The following ZHX3 variants were observed in gnomAD, a reference collection of about 807,000 sequenced individuals.
ZHX3 encodes zinc fingers and homeoboxes protein 3.
Under a neutral mutation model 64.5 loss-of-function variants are expected in ZHX3, and 20 were observed. The ratio of observed to expected loss-of-function variants is 0.31; its 90% confidence interval spans 0.22 to 0.45. The LOEUF is 0.45. Among genes scored for constraint, ZHX3 ranks in the 20% least tolerant of loss-of-function variants. ZHX3 has a pLI of 1.00. For synonymous variants in ZHX3, 423 were observed against 461.6 expected (o/e 0.92, Z 1.07); for missense variants, 1,041 against 1,195.8 (o/e 0.87, Z 1.91).
rs2040161121 is a variant in ZHX3 at position 41,224,837 on chromosome 20, G to A, written c.-150-19771C>T. 6.6e-6 allele frequency among the ~76,000 whole-genome samples: 1 copy of A among 152,154 alleles called. No individual in the cohort carries two copies. The highest frequency in any genetic ancestry group is 6.5e-5 in the Admixed American group (1 of 15,284). ...ACATCCTATCTAAATGTCTTTGGGG[G>A]CTCCCCCAAATCCAAGCTGAATTAT... On this transcript the variant is annotated intron_variant, in intron 2 of 3. Coordinates refer to ENST00000683867, the MANE Select transcript of ZHX3 (RefSeq NM_001384317.1). This position sits in a 1 kb window ranked among gnomAD's most constrained non-coding sequence, Gnocchi z 5.2.
intron 2 of ZHX3, among the ~76,000 whole-genome samples, chr20:41,253,140 A>G (rs1396494781): frequency 6.6e-6 from 1 of 152,156 alleles, no homozygotes; most frequent in African/African-American, 2.4e-5. Flanking sequence ...CAACAAGAAG[A>G]GGAAACACAA....
chr20:41,225,127 G>A (rs573029020), intron 2 of ZHX3, among the ~76,000 whole-genome samples: 2 of 152,364 alleles, frequency 1.3e-5, no homozygotes, highest in South Asian at 2.1e-4. Flanking sequence ...CCCTAACACT[G>A]TGGACTGTGT....
chr20:41,297,195 T>C (rs191288820), intron 1 of ZHX3, among the ~76,000 whole-genome samples: 10 of 152,330 alleles, frequency 6.6e-5, no homozygotes, highest in African/African-American at 2.2e-4. Flanking sequence ...GAGATGCACA[T>C]GCAGGCAGGA....
chr20:41,253,055 A>G (rs2042065593), intron 2 of ZHX3, among the ~76,000 whole-genome samples: 1 of 152,154 alleles, frequency 6.6e-6, no homozygotes, highest in Non-Finnish European at 1.5e-5. Flanking sequence ...GCCAACCTTG[A>G]CCTTAAGGAA....
chr20:41,198,108 G>A (rs532711022), intron 3 of ZHX3, among the ~76,000 whole-genome samples: 13 of 149,904 alleles, frequency 8.7e-5, no homozygotes, highest in South Asian at 2.1e-4. Flanking sequence ...AGGTTCAAGC[G>A]ATTCTCCTGC....
intron 1 of ZHX3, among the ~76,000 whole-genome samples, chr20:41,315,821 AAATTGTGATTTACT>A (rs1166577426): frequency 6.6e-6 from 1 of 152,196 alleles, no homozygotes; most frequent in East Asian, 1.9e-4. Flanking sequence ...GCTTAATACC[AAATTGTGATTTACT>A]ATGGTTTGTG....
rs2038497910 is a variant in ZHX3 at position 41,204,120 on chromosome 20, GCTGGCAAAA to G, written c.788_796del (p.Val263_Pro265del). 2 of 1,605,462 alleles carry G rather than the reference GCTGGCAAAA, an allele frequency of 1.2e-6. No individual in the cohort carries two copies. The highest frequency in any genetic ancestry group is 2.7e-5 in the African/African-American group (2 of 74,764). On this transcript the variant is annotated inframe_deletion, in exon 3 of 4. Coordinates refer to ENST00000683867, the MANE Select transcript of ZHX3 (RefSeq NM_001384317.1). The surrounding 1 kb of genome is among the most constrained non-coding windows in gnomAD (Gnocchi z 6.6). ...GAGGGAGAGGAACTGTGCTATGCCA[GCTGGCAAAA>G]CTGGCACTGTTCCTATCAGGGGCCC...
chr20:41,202,617 A>C lies in ZHX3; in HGVS notation c.2300T>G (p.Val767Gly), dbSNP rs1277980568. 6.2e-7 allele frequency: 1 copy of C among 1,613,678 alleles called. No homozygotes were observed. Residue 767 changes from valine to glycine, a missense_variant, in exon 3 of 4, where the codon GTG becomes GGG. Coordinates refer to ENST00000683867, the MANE Select transcript of ZHX3 (RefSeq NM_001384317.1). This position sits in a 1 kb window ranked among gnomAD's most constrained non-coding sequence, Gnocchi z 7.0. ...NKLAEQLPGK[V>G]SCKKTAQQRH... ...CTGCTGGGCAGTCTTTTTGCAGCTC[A>C]CTTTGCCTGGGAGCTGCTCTGCCAG...
Position 41,202,827 on chromosome 20 carries a change from G to A in ZHX3, c.2090C>T (p.Ala697Val), listed in dbSNP as rs777314715. 6.4e-5 allele frequency: 104 copies of A among 1,613,992 alleles called. No homozygotes were observed. Among genetic ancestry groups the A allele is most frequent in the Non-Finnish European group, 8.3e-5 (98 of 1,180,024 alleles). ...TTCACCAGAGACCCTTAGCTCACTG[G>A]CCAAATCCTCTTCTCCACCCTCATC... ...AEDEGGEEDL[A>V]SELRVSGENG... Residue 697 changes from alanine to valine, a missense_variant, in exon 3 of 4, where the codon GCC (alanine) becomes GTC (valine). Ala to Val is a moderately conservative substitution (Grantham distance 64). This residue lies in a region of ZHX3 where 649 missense variants were observed against 739.8 expected (regional missense o/e 0.88). Coordinates refer to ENST00000683867, the MANE Select transcript of ZHX3 (RefSeq NM_001384317.1). This position sits in a 1 kb window ranked among gnomAD's most constrained non-coding sequence, Gnocchi z 7.0.
intron 2 of ZHX3, among the ~76,000 whole-genome samples, chr20:41,254,416 G>C (rs2042134869): frequency 1.3e-5 from 2 of 152,142 alleles, no homozygotes; most frequent in South Asian, 4.1e-4. Context: ...GTAGCACTTA[G>C]CTCAGTGCCT....
chr20:41,251,063 G>A (rs539287743), intron 2 of ZHX3, among the ~76,000 whole-genome samples: 1 of 152,286 alleles, frequency 6.6e-6, no homozygotes, highest in East Asian at 1.9e-4. Flanking sequence ...CATTTTTATG[G>A]TTAAAGGAAG....
chr20:41,266,067 T>C (rs376745958), intron 2 of ZHX3, among the ~76,000 whole-genome samples: 1 of 152,184 alleles, frequency 6.6e-6, no homozygotes, highest in South Asian at 2.1e-4. Flanking sequence ...CGAGGTACTC[T>C]AGGATTACCT....
chr20:41,277,211 C>G (rs2043424951), intron 1 of ZHX3, among the ~76,000 whole-genome samples: 1 of 152,162 alleles, frequency 6.6e-6, no homozygotes, highest in Non-Finnish European at 1.5e-5. Flanking sequence ...TACTTGTAGT[C>G]CCAGTTGCTT....
At chr20:41,213,013 G>A (rs979028277) in intron 2 of ZHX3, among the ~76,000 whole-genome samples, 5 of 152,102 alleles carry the variant, frequency 3.3e-5, no homozygotes, top group East Asian at 1.9e-4. Flanking sequence ...ATATCCATAC[G>A]ATGAATTCTT....
chr20:41,292,561 C>T (rs145106588), intron 1 of ZHX3, among the ~76,000 whole-genome samples: 4 of 152,206 alleles, frequency 2.6e-5, no homozygotes, highest in African/African-American at 9.6e-5. Flanking sequence ...GAACTCTCTA[C>T]TCTGTGTTTC....
At chr20:41,211,488 A>G (rs2039155567) in intron 2 of ZHX3, among the ~76,000 whole-genome samples, 1 of 152,130 alleles carries the variant, frequency 6.6e-6, no homozygotes, top group Non-Finnish European at 1.5e-5. Flanking sequence ...TTTTTACTTA[A>G]TTTTTAATTA....
chr20:41,196,421 T>TATA (rs2037554521), intron 3 of ZHX3, among the ~76,000 whole-genome samples: 1 of 60,794 alleles, frequency 1.6e-5, no homozygotes, highest in African/African-American at 6.5e-5. Context: ...ATATATAATA[T>TATA]ATATTTATAT....
In ZHX3 at chr20:41,182,304, C is replaced by T. The variant is rs527609663; in HGVS notation, c.*2887G>A. The T allele has an allele frequency of 3.9e-5, 6 of 152,352 alleles. No individual in the cohort carries two copies. The South Asian group carries it at 1.0e-3, about 26-fold the overall frequency. 9.4% of individuals were successfully genotyped at this position (152,352 alleles called of 1,614,324 possible). On this transcript the variant is annotated 3_prime_UTR_variant, in exon 4 of 4. Transcript: ENST00000683867. This position sits in a 1 kb window ranked among gnomAD's most constrained non-coding sequence, Gnocchi z 6.1. ...GATAAGATTAGCCACTTTTTATAGG[C>T]TTTTTCTTCAGGAGAGACTAACCTC...
intron 2 of ZHX3, among the ~76,000 whole-genome samples, chr20:41,252,173 GC>G (rs2146513979): frequency 6.6e-6 from 1 of 152,314 alleles, no homozygotes; most frequent in Admixed American, 6.5e-5. Flanking sequence ...GAGGCACAGG[GC>G]AGAAGGCCTG....
Sources: gnomAD v4.1 joint callset for allele counts (sites outside exome capture counted in the v4.1 genomes callset) on GRCh38, gnomAD v4.1.1 for gene constraint, gnomAD v4.1.1 regional missense constraint, Gnocchi (gnomAD v3.1) non-coding constraint, MANE v1.5 for transcripts, NCBI Gene and HGNC (gene_info 2026-07-23, HGNC 2026-07-21) for gene names.